Variants in ANKRD30B observed in about 807,000 individuals in gnomAD.
ANKRD30B encodes the protein ankyrin repeat domain-containing protein 30B.
A neutral mutation model predicts 202.2 loss-of-function variants in ANKRD30B; 144 were observed. The observed-to-expected ratio is 0.71, with a 90% CI of 0.62 to 0.82. The LOEUF (loss-of-function observed/expected upper bound fraction) is 0.82. Among genes scored for constraint, ANKRD30B ranks in the 40% least tolerant of loss-of-function variants. The pLI is 0.00. For missense variants in ANKRD30B, 1,487 were observed against 1,669.1 expected, an observed-to-expected ratio of 0.89 and a Z score of 1.90; for synonymous variants, 508 against 561.3, an observed-to-expected ratio of 0.91 and a Z score of 1.34.
At chr18:14,919,543 G>A in the ANKRD30B span, among the ~76,000 whole-genome samples, 1 of 152,314 alleles carries the variant, frequency 6.6e-6, no homozygotes, top group Middle Eastern at 3.4e-3. Context: ...GCTCCAGCAT[G>A]TAGGCACCAA....
chr18:14,870,068 T>G, the ANKRD30B span, among the ~76,000 whole-genome samples: 1 of 152,224 alleles, frequency 6.6e-6, no homozygotes, highest in Non-Finnish European at 1.5e-5. Flanking sequence ...ACTCCTCACC[T>G]CAGGTGATCC....
At chr18:14,758,484 C>A (rs1321372527) in intron 5 of ANKRD30B, among the ~76,000 whole-genome samples, 1 of 152,138 alleles carries the variant, frequency 6.6e-6, no homozygotes, top group Non-Finnish European at 1.5e-5. Flanking sequence ...GACCAGGATG[C>A]CCTTACTAAC....
chr18:14,789,623 C>A (rs1968327642), intron 15 of ANKRD30B, among the ~76,000 whole-genome samples: 1 of 152,172 alleles, frequency 6.6e-6, no homozygotes, highest in Non-Finnish European at 1.5e-5. Flanking sequence ...AGCCAGTTTT[C>A]CCAGCACCAT....
intron 28 of ANKRD30B, among the ~76,000 whole-genome samples, chr18:14,811,157 T>C (rs1390690489): frequency 6.6e-6 from 1 of 151,480 alleles, no homozygotes; most frequent in Non-Finnish European, 1.5e-5. Context: ...TGTGTGGTTC[T>C]GACTATGTGT....
intron 30 of ANKRD30B, 142 bp from the exon 31 acceptor site, chr18:14,822,341 T>C: frequency 5.1e-6 from 3 of 586,848 alleles, no homozygotes; most frequent in Non-Finnish European, 9.4e-6. Flanking sequence ...ACAAACACAA[T>C]AACCCAAAAG....
chr18:14,898,188 A>G, the ANKRD30B span, among the ~76,000 whole-genome samples: 1 of 152,166 alleles, frequency 6.6e-6, no homozygotes, highest in Non-Finnish European at 1.5e-5. Flanking sequence ...TAACTTTTAT[A>G]GTTTGAATTT....
rs1006964969 is a variant in ANKRD30B at position 14,808,983 on chromosome 18, A to G, written c.2386+239A>G. 1.5e-4 allele frequency among the ~76,000 whole-genome samples: 22 copies of G among 150,890 alleles called. 2 individuals are homozygous for G. Among genetic ancestry groups the G allele is most frequent in the African/African-American group, 4.4e-4 (18 of 40,752 alleles). On this transcript the variant is annotated intron_variant, in intron 26 of 43. Coordinates refer to ENST00000690538, the MANE Select transcript of ANKRD30B (RefSeq NM_001367607.2). ...TATCTGTCCAGCAGCCTGCAATGCA[A>G]TGGGGCCTTGTCTTTGTTCCCAGGT...
chr18:14,916,095 G>A, the ANKRD30B span, among the ~76,000 whole-genome samples: 1 of 152,192 alleles, frequency 6.6e-6, no homozygotes, highest in African/African-American at 2.4e-5. Context: ...ATGGCTGTAT[G>A]TGCTGAGTAA....
intron 7 of ANKRD30B, among the ~76,000 whole-genome samples, chr18:14,767,999 G>C (rs1429467920): frequency 6.6e-6 from 1 of 152,186 alleles, no homozygotes. Flanking sequence ...TGATGTCTTT[G>C]TATGCTAATA....
At chr18:14,938,040 T>A in the ANKRD30B span, among the ~76,000 whole-genome samples, 1 of 152,218 alleles carries the variant, frequency 6.6e-6, no homozygotes, top group Admixed American at 6.5e-5. Context: ...GCACTGATGA[T>A]GCTCATCTTC....
At chr18:14,897,079 G>A in the ANKRD30B span, among the ~76,000 whole-genome samples, 1 of 151,886 alleles carries the variant, frequency 6.6e-6, no homozygotes, top group Admixed American at 6.6e-5. Context: ...GAATAGAGTT[G>A]ACATAGGTAG....
chr18:14,757,799 C>T lies in ANKRD30B; in HGVS notation c.618-16C>T, dbSNP rs1567980964. 1.2e-6 allele frequency: 2 copies of T among 1,608,892 alleles called. No individual in the cohort carries two copies. The highest frequency in any genetic ancestry group is 1.7e-6 in the Non-Finnish European group (2 of 1,178,142). On this transcript the variant is annotated splice_polypyrimidine_tract_variant and intron_variant, in intron 4 of 43. Transcript: ENST00000690538. ...ATTGATTCTGCTCATAATAAGTTAT[C>T]TCTTTGTTATTTTAGCACAGCCCTC...
At chr18:14,925,602 G>C in the ANKRD30B span, among the ~76,000 whole-genome samples, 1 of 152,256 alleles carries the variant, frequency 6.6e-6, no homozygotes, top group Non-Finnish European at 1.5e-5. Context: ...CCACAGGGTT[G>C]TGGCCAGCTC....
At chr18:14,906,011 C>T in the ANKRD30B span, 2 of 151,842 alleles carry the variant, frequency 1.3e-5, no homozygotes, top group African/African-American at 4.8e-5. Context: ...AAGGTGGTTC[C>T]ATTCATTCGG....
At chr18:14,806,954 G>A (rs1213003071) in intron 24 of ANKRD30B, among the ~76,000 whole-genome samples, 3 of 150,800 alleles carry the variant, frequency 2.0e-5, no homozygotes, top group Admixed American at 2.0e-4. Context: ...AATCGAGAAC[G>A]ACCTTCTCAT....
the ANKRD30B span, among the ~76,000 whole-genome samples, chr18:14,913,871 T>C: frequency 6.6e-6 from 1 of 152,212 alleles, no homozygotes; most frequent in East Asian, 1.9e-4. Flanking sequence ...GTGTTTACTA[T>C]GAGTTGGATG....
chr18:14,780,832 A>G (rs906803939), intron 11 of ANKRD30B, among the ~76,000 whole-genome samples: 1 of 152,272 alleles, frequency 6.6e-6, no homozygotes, highest in Non-Finnish European at 1.5e-5. Flanking sequence ...AAATATGCAT[A>G]AAGAATAGGA....
At chr18:14,850,501 T>C (rs1971838981) in intron 41 of ANKRD30B, 119 bp downstream of exon 41, 1 of 1,048,912 alleles carries the variant, frequency 9.5e-7, no homozygotes, top group Non-Finnish European at 1.3e-6. Context: ...AGTATTGTCT[T>C]AAAATTAACT....
chr18:14,861,680 A>G, the ANKRD30B span, among the ~76,000 whole-genome samples: 2 of 151,254 alleles, frequency 1.3e-5, no homozygotes, highest in Non-Finnish European at 2.9e-5. Flanking sequence ...ATCATGGAGG[A>G]CTTCAACACC....
Sources: allele counts gnomAD v4.1 joint callset (sites outside exome capture counted in the v4.1 genomes callset), GRCh38; gene constraint gnomAD v4.1.1; transcripts MANE v1.5; gene names NCBI Gene and HGNC (gene_info 2026-07-23, HGNC 2026-07-21).